Variants in PRKAG2 observed in about 807,000 individuals in gnomAD.
The protein encoded by PRKAG2 is protein kinase AMP-activated non-catalytic subunit gamma 2.
Under a neutral mutation model 69.6 loss-of-function variants are expected in PRKAG2, and 26 were observed. The observed-to-expected ratio is 0.37, with a 90% CI of 0.27 to 0.52. The LOEUF is 0.52. Ranked by LOEUF, PRKAG2 falls within the 20% of genes least tolerant of loss-of-function variation. The pLI, the probability that PRKAG2 is intolerant of heterozygous loss-of-function variation, is 0.90. For missense variants in PRKAG2, 557 were observed against 740.0 expected (o/e 0.75, Z 2.87); for synonymous variants, 293 against 285.0 (o/e 1.03, Z -0.28).
intron 4 of PRKAG2, among the ~76,000 whole-genome samples, chr7:151,650,431 G>C (rs901005543): frequency 2.6e-5 from 4 of 152,152 alleles, no homozygotes; most frequent in African/African-American, 9.7e-5. Flanking sequence ...GCAGGGGAAG[G>C]GGTTATGGTC....
chr7:151,696,618 GC>G (rs944566485), intron 3 of PRKAG2, among the ~76,000 whole-genome samples: 2 of 152,182 alleles, frequency 1.3e-5, no homozygotes, highest in Non-Finnish European at 2.9e-5. Context: ...GTTTCAGGAA[GC>G]CCCCCGCAAC....
intron 1 of PRKAG2, among the ~76,000 whole-genome samples, chr7:151,826,873 C>T (rs536724749): frequency 1.3e-5 from 2 of 152,184 alleles, no homozygotes; most frequent in Non-Finnish European, 2.9e-5. Context: ...TGTTTATTCA[C>T]CCAACAGAAT....
chr7:151,746,177 G>C (rs1563579076), intron 3 of PRKAG2, among the ~76,000 whole-genome samples: 1 of 152,232 alleles, frequency 6.6e-6, no homozygotes, highest in Non-Finnish European at 1.5e-5. Context: ...AGCCAGTTTG[G>C]CCTGTGGTCT....
intron 3 of PRKAG2, among the ~76,000 whole-genome samples, chr7:151,700,712 G>A (rs192565572): frequency 3.3e-5 from 5 of 152,176 alleles, no homozygotes; most frequent in East Asian, 3.9e-4. Context: ...TCTCCGCCAC[G>A]CGTCCCAGGC....
chr7:151,773,023 A>AAGAAAGAAAGAG (rs1563639223), intron 3 of PRKAG2, among the ~76,000 whole-genome samples: 9 of 55,050 alleles, frequency 1.6e-4, no homozygotes, highest in South Asian at 5.9e-4. Flanking sequence ...GAAAGAAAGA[A>AAGAAAGAAAGAG]AGAGAGAGAG....
intron 1 of PRKAG2, among the ~76,000 whole-genome samples, chr7:151,859,782 C>G (rs1045847143): frequency 1.3e-5 from 2 of 152,172 alleles, no homozygotes; most frequent in African/African-American, 4.8e-5. Flanking sequence ...GTTAAGGCAC[C>G]GAGGATGTAT....
At chr7:151,669,429 G>A (rs1423331709) in intron 4 of PRKAG2, among the ~76,000 whole-genome samples, 1 of 152,210 alleles carries the variant, frequency 6.6e-6, no homozygotes, top group Non-Finnish European at 1.5e-5. Flanking sequence ...TGTGAAACAC[G>A]ATTACACACA....
chr7:151,657,251 G>A (rs953537868), intron 4 of PRKAG2, among the ~76,000 whole-genome samples: 2 of 152,298 alleles, frequency 1.3e-5, no homozygotes, highest in African/African-American at 4.8e-5. Context: ...AATGAAGACA[G>A]CAAACATCGC....
chr7:151,781,087 T>C lies in PRKAG2; in HGVS notation c.466+65A>G. 2 of 1,597,558 alleles carry C rather than the reference T, an allele frequency of 1.3e-6. No individual in the cohort carries two copies. Among genetic ancestry groups the C allele is most frequent in the Non-Finnish European group, 1.7e-6 (2 of 1,167,812 alleles). On this transcript the variant is annotated intron_variant, in intron 3 of 15. Coordinates refer to ENST00000287878, the MANE Select transcript of PRKAG2 (RefSeq NM_016203.4). The surrounding 1 kb of genome is among the most constrained non-coding windows in gnomAD (Gnocchi z 6.1). Reference sequence around the variant, plus strand: ...GGCAGCTTCGGTGCCACCGTGGATGTGTGGCTGCAGAAGAGACCCCCAGCA... The same window carrying C: ...GGCAGCTTCGGTGCCACCGTGGATGCGTGGCTGCAGAAGAGACCCCCAGCA...
At chr7:151,564,357 G>C (rs1462499307) in intron 13 of PRKAG2, 133 bp from the exon 14 acceptor site, 11 of 926,594 alleles carry the variant, frequency 1.2e-5, no homozygotes, top group Non-Finnish European at 1.9e-5. Context: ...GCATACATCA[G>C]ACGTTCTTTC....
intron 6 of PRKAG2, among the ~76,000 whole-genome samples, chr7:151,594,902 G>A (rs1251737108): frequency 2.6e-5 from 4 of 152,002 alleles, no homozygotes; most frequent in Admixed American, 6.6e-5. Flanking sequence ...GGGTTCAAGC[G>A]ACTCTCCTGT....
chr7:151,785,089 G>A (rs1194857675), intron 2 of PRKAG2, among the ~76,000 whole-genome samples: 5 of 152,258 alleles, frequency 3.3e-5, no homozygotes, highest in African/African-American at 1.2e-4. Flanking sequence ...ATGATTCCCC[G>A]GGTATTGACA....
chr7:151,806,206 C>G (rs2078093468), intron 1 of PRKAG2, among the ~76,000 whole-genome samples: 1 of 152,228 alleles, frequency 6.6e-6, no homozygotes, highest in Non-Finnish European at 1.5e-5. Flanking sequence ...ATGACAACAA[C>G]AAACAGTTTG....
rs1268957918 is a variant in PRKAG2 at position 151,719,475 on chromosome 7, C to T, written c.467-43838G>A. Among the ~76,000 whole-genome samples the T allele has an allele frequency of 6.6e-6, 1 of 152,124 alleles. No individual in the cohort carries two copies. Among genetic ancestry groups the T allele is most frequent in the East Asian group, 1.9e-4 (1 of 5,178 alleles). On this transcript the variant is annotated intron_variant, in intron 3 of 15. Coordinates refer to ENST00000287878, the MANE Select transcript of PRKAG2 (RefSeq NM_016203.4). The surrounding 1 kb of genome is among the most constrained non-coding windows in gnomAD (Gnocchi z 5.2). The stretch of plus-strand genomic sequence containing the variant: ...GCCCTGGGCTGCTCCCAGCCAATGC[C>T]TAAGCGCCGGGTGCTGGGTCACCCT...
intron 3 of PRKAG2, among the ~76,000 whole-genome samples, chr7:151,767,394 G>A (rs939821567): frequency 3.3e-5 from 5 of 152,214 alleles, no homozygotes; most frequent in African/African-American, 7.2e-5. Context: ...GGGTTCAAGC[G>A]ATTCTCCTGC....
At chr7:151,586,976 C>T (rs1811822651) in intron 6 of PRKAG2, among the ~76,000 whole-genome samples, 1 of 152,122 alleles carries the variant, frequency 6.6e-6, no homozygotes, top group Non-Finnish European at 1.5e-5. Flanking sequence ...GACTGGCCAA[C>T]ACGGTGAAAC....
intron 6 of PRKAG2, among the ~76,000 whole-genome samples, chr7:151,592,349 T>C (rs538483054): frequency 6.6e-6 from 1 of 152,328 alleles, no homozygotes; most frequent in African/African-American, 2.4e-5. Context: ...CCAGGACATA[T>C]CTACATGGAT....
chr7:151,607,633 C>T (rs1817822958), intron 5 of PRKAG2, among the ~76,000 whole-genome samples: 1 of 152,176 alleles, frequency 6.6e-6, no homozygotes, highest in Admixed American at 6.5e-5. Flanking sequence ...GAACTCTAAC[C>T]TACCTTTCCA....
At chr7:151,586,455 C>G (rs887834231) in intron 6 of PRKAG2, among the ~76,000 whole-genome samples, 4 of 152,140 alleles carry the variant, frequency 2.6e-5, no homozygotes, top group African/African-American at 9.7e-5. Context: ...TTATCTCTGG[C>G]CTCCGAAATC....
Sources: allele counts gnomAD v4.1 joint callset (sites outside exome capture counted in the v4.1 genomes callset), GRCh38; gene constraint gnomAD v4.1.1; non-coding constraint Gnocchi (gnomAD v3.1); transcripts MANE v1.5; gene names NCBI Gene and HGNC (gene_info 2026-07-23, HGNC 2026-07-21).